ANKRD44: variants seen among roughly 807,000 people sequenced by gnomAD.
ANKRD44 encodes the protein ankyrin repeat domain 44, also known as serine/threonine-protein phosphatase 6 regulatory ankyrin repeat subunit B.
A neutral mutation model predicts 116.0 loss-of-function variants in ANKRD44; 35 were observed. The observed-to-expected ratio is 0.30, with a 90% CI of 0.23 to 0.40. ANKRD44 has a LOEUF of 0.40. Ranked by LOEUF, ANKRD44 falls within the 10% of genes least tolerant of loss-of-function variation. ANKRD44 has a pLI of 1.00. For synonymous variants in ANKRD44, 435 were observed against 461.8 expected, an observed-to-expected ratio of 0.94 and a Z score of 0.74; for missense variants, 1,014 against 1,242.6, an observed-to-expected ratio of 0.82 and a Z score of 2.77.
chr2:197,140,231 A>C (rs1175398825), intron 3 of ANKRD44, among the ~76,000 whole-genome samples: 2 of 152,122 alleles, frequency 1.3e-5, no homozygotes, highest in Admixed American at 6.5e-5. Flanking sequence ...TAAAGCCTCT[A>C]AAGTGTGCCG....
At chr2:197,098,992 G>T (rs1314878385) in intron 10 of ANKRD44, among the ~76,000 whole-genome samples, 2 of 152,112 alleles carry the variant, frequency 1.3e-5, no homozygotes, top group Non-Finnish European at 2.9e-5. Flanking sequence ...CTTCCCTGGT[G>T]TGGAGTCTTT....
chr2:197,136,787 T>C (rs1236706583), intron 3 of ANKRD44, 125 bp from the exon 4 acceptor site: 1 of 769,652 alleles, frequency 1.3e-6, no homozygotes, highest in Non-Finnish European at 2.2e-6. Context: ...TTTCTTTGTA[T>C]TAGTCATGTG....
At chr2:197,149,502 T>G (rs566471969) in intron 2 of ANKRD44, among the ~76,000 whole-genome samples, 1 of 152,332 alleles carries the variant, frequency 6.6e-6, no homozygotes, top group East Asian at 1.9e-4. Flanking sequence ...CCTGTTAATA[T>G]GTGCTTAAAG....
In ANKRD44 at chr2:197,293,448, C is replaced by T. The variant is rs1317263155; in HGVS notation, c.27+17130G>A. ...GTGAGAGCCTCAATGAAGAAACTTT[C>T]CCCACTCCATGTAAGCAGGAAAATG... On this transcript the variant is annotated intron_variant, in intron 1 of 27. Coordinates refer to ENST00000282272, the MANE Select transcript of ANKRD44 (RefSeq NM_001195144.2). Among the ~76,000 whole-genome samples the T allele has an allele frequency of 2.0e-5, 3 of 152,218 alleles. 1 individual carries two copies. The highest frequency in any genetic ancestry group is 4.4e-5 in the Non-Finnish European group (3 of 68,038).
At chr2:197,240,918 C>T (rs1457731299) in intron 1 of ANKRD44, among the ~76,000 whole-genome samples, 1 of 151,712 alleles carries the variant, frequency 6.6e-6, no homozygotes, top group African/African-American at 2.4e-5. Flanking sequence ...GCCTCTCCAT[C>T]AGCTTTCCCC....
Position 196,987,131 on chromosome 2 carries a change from C to CA in ANKRD44, c.*2459dup. 2 of 984,220 alleles carry CA rather than the reference C, an allele frequency of 2.0e-6. No individual in the cohort carries two copies. Among genetic ancestry groups the CA allele is most frequent in the Non-Finnish European group, 1.2e-6 (1 of 828,818 alleles). The allele number at this position is 984,220 out of a possible 1,614,324, so 61.0% of individuals were successfully genotyped here. Reference sequence around the variant, plus strand: ...TAGAATTACATTTTATACAAACACTCAGATTGTCACTATCTTAAAATGCTT... The same window carrying CA: ...TAGAATTACATTTTATACAAACACTCAAGATTGTCACTATCTTAAAATGCTT... On this transcript the variant is annotated 3_prime_UTR_variant, in exon 28 of 28. Coordinates refer to ENST00000282272, the MANE Select transcript of ANKRD44 (RefSeq NM_001195144.2).
intron 8 of ANKRD44, among the ~76,000 whole-genome samples, chr2:197,120,912 G>A (rs1488491560): frequency 6.6e-6 from 1 of 150,566 alleles, no homozygotes; most frequent in Non-Finnish European, 1.5e-5. Flanking sequence ...CACCACTCCT[G>A]AAGAAAAATA....
At chr2:197,108,613 C>CAGAT (rs1397401387) in intron 9 of ANKRD44, among the ~76,000 whole-genome samples, 1 of 152,128 alleles carries the variant, frequency 6.6e-6, no homozygotes, top group Non-Finnish European at 1.5e-5. Context: ...CCAAGGTGGA[C>CAGAT]AGATCATTTG....
rs574022597 is a variant in ANKRD44, at chr2:197,164,476, C to T, written c.112-17371G>A. ...GGGTCGGGCAGGTCGCACCCTTCCC[C>T]CAGCTGAAGAGCAGCGCTCAGAAGA... On this transcript the variant is annotated intron_variant, in intron 2 of 27. Transcript: ENST00000282272. Among the ~76,000 whole-genome samples, 19 of 152,320 alleles carry T rather than the reference C, an allele frequency of 1.2e-4. No individual in the cohort carries two copies. In the East Asian group the frequency reaches 3.1e-3, roughly 25 times the overall value.
chr2:197,141,213 T>C (rs1234920083), intron 3 of ANKRD44, among the ~76,000 whole-genome samples: 1 of 152,162 alleles, frequency 6.6e-6, no homozygotes, highest in Non-Finnish European at 1.5e-5. Context: ...CAAGACTCTA[T>C]CTCAAATACA....
intron 1 of ANKRD44, among the ~76,000 whole-genome samples, chr2:197,236,572 T>G (rs953492700): frequency 6.6e-6 from 1 of 152,182 alleles, no homozygotes; most frequent in Non-Finnish European, 1.5e-5. Flanking sequence ...AGTTGCCTAC[T>G]AGTTTCTTCT....
chr2:197,008,252 G>C (rs1391212304), intron 19 of ANKRD44, among the ~76,000 whole-genome samples: 1 of 152,154 alleles, frequency 6.6e-6, no homozygotes. Flanking sequence ...TGTGTATGCA[G>C]AAGCCCCTCT....
At chr2:197,027,257 G>A (rs2076612777) in intron 16 of ANKRD44, among the ~76,000 whole-genome samples, 1 of 152,132 alleles carries the variant, frequency 6.6e-6, no homozygotes, top group African/African-American at 2.4e-5. Context: ...AGATACTTAG[G>A]AGGCTGAGGT....
chr2:197,122,591 G>C, intron 7 of ANKRD44, 59 bp downstream of exon 7: 1 of 1,560,554 alleles, frequency 6.4e-7, no homozygotes, highest in Non-Finnish European at 8.7e-7. Flanking sequence ...TTTAACTTTA[G>C]AATAACAGAA....
intron 1 of ANKRD44, among the ~76,000 whole-genome samples, chr2:197,256,615 T>G (rs1338727338): frequency 6.6e-6 from 1 of 152,228 alleles, no homozygotes; most frequent in Non-Finnish European, 1.5e-5. Flanking sequence ...CTTGAATTTT[T>G]AAAAAATACA....
intron 1 of ANKRD44, among the ~76,000 whole-genome samples, chr2:197,300,217 T>C (rs372378097): frequency 1.3e-5 from 2 of 152,358 alleles, no homozygotes; most frequent in African/African-American, 4.8e-5. Context: ...TGTGTTAATA[T>C]GCAAACACCT....
chr2:197,264,136 C>T (rs2105744931), intron 1 of ANKRD44, among the ~76,000 whole-genome samples: 1 of 152,242 alleles, frequency 6.6e-6, no homozygotes, highest in South Asian at 2.1e-4. Context: ...AAGGAGCCTG[C>T]CCTCCTCTTT....
rs1365321476 is a variant in ANKRD44 at position 197,204,927 on chromosome 2, TG to T, written c.28-17822del. ...GCTGGGTGTTATCAGAGAAGCAGAA[TG>T]GGGCACAGTCTATAAGGGAGAGGTC... On this transcript the variant is annotated intron_variant, in intron 1 of 27. Coordinates refer to ENST00000282272, the MANE Select transcript of ANKRD44 (RefSeq NM_001195144.2). Among the ~76,000 whole-genome samples, 8 of 152,342 alleles carry T rather than the reference TG, an allele frequency of 5.3e-5. No homozygotes were observed. The East Asian group carries it at 1.5e-3, about 29-fold the overall frequency.
intron 16 of ANKRD44, among the ~76,000 whole-genome samples, chr2:197,069,471 T>C (rs1331756736): frequency 6.6e-6 from 1 of 152,134 alleles, no homozygotes; most frequent in African/African-American, 2.4e-5. Flanking sequence ...ACCTTCTCTT[T>C]GCTGAATTGC....
Sources: allele counts gnomAD v4.1 joint callset (sites outside exome capture counted in the v4.1 genomes callset), GRCh38; gene constraint gnomAD v4.1.1; transcripts MANE v1.5; gene names NCBI Gene and HGNC (gene_info 2026-07-23, HGNC 2026-07-21).